CXCR2: variants seen among roughly 807,000 people sequenced by gnomAD.
CXCR2 encodes C-X-C chemokine receptor type 2.
A neutral mutation model predicts 3.7 loss-of-function variants in CXCR2; 2 were observed. That is an observed-to-expected ratio of 0.55 (90% CI 0.22 to 1.72). The LOEUF (loss-of-function observed/expected upper bound fraction) is 1.72, where lower values mean the gene tolerates loss of function less well. Among genes scored for constraint, CXCR2 ranks in the 40% most tolerant of loss-of-function variants. CXCR2 has a pLI of 0.19. For missense variants in CXCR2, 351 were observed against 450.1 expected, an observed-to-expected ratio of 0.78 and a Z score of 1.99; for synonymous variants, 203 against 193.3, an observed-to-expected ratio of 1.05 and a Z score of -0.41.
chr2:218,129,631 ACT>A (rs2106100876), intron 2 of CXCR2, among the ~76,000 whole-genome samples: 1 of 152,106 alleles, frequency 6.6e-6, no homozygotes, highest in Non-Finnish European at 1.5e-5. Context: ...GCCTTCCAAG[ACT>A]CAGCCAGCCC....
chr2:218,126,824 T>TTTTG (rs17844677), intron 1 of CXCR2, among the ~76,000 whole-genome samples: 88,608 of 150,298 alleles, frequency 0.59, 27,474 homozygotes, highest in African/African-American at 0.78. Flanking sequence ...ATTTTTTGGG[T>TTTTG]TTTGTTTGTT....
intron 2 of CXCR2, among the ~76,000 whole-genome samples, chr2:218,130,561 C>T (rs977382273): frequency 3.9e-5 from 6 of 152,096 alleles, no homozygotes; most frequent in African/African-American, 1.4e-4. Flanking sequence ...GTGGTTTCAC[C>T]ACTTCTCCAC....
intron 1 of CXCR2, among the ~76,000 whole-genome samples, chr2:218,126,584 C>A (rs1168581033): frequency 6.6e-6 from 1 of 152,206 alleles, no homozygotes; most frequent in Admixed American, 6.5e-5. Context: ...TCACACGTGG[C>A]CACGGAGCAC....
chr2:218,132,677 G>A (rs1360153088), intron 2 of CXCR2, among the ~76,000 whole-genome samples: 1 of 152,102 alleles, frequency 6.6e-6, no homozygotes, highest in Non-Finnish European at 1.5e-5. Flanking sequence ...ATAAACATAG[G>A]AAAAGAACAC....
Position 218,135,217 on chromosome 2 carries a change from G to C in CXCR2, c.416G>C (p.Cys139Ser). 6.2e-7 allele frequency: 1 copy of C among 1,614,210 alleles called. No homozygotes were observed. The highest frequency in any genetic ancestry group is 8.5e-7 in the Non-Finnish European group (1 of 1,180,046). ...TATAGTGGCATCCTGCTACTGGCCTGCATCAGTGTGGACCGTTACCTGGCC... is the reference window on the plus strand; with the variant it reads ...TATAGTGGCATCCTGCTACTGGCCTCCATCAGTGTGGACCGTTACCTGGCC... The part of the protein sequence containing the change: ...NFYSGILLLA[C>S]ISVDRYLAIV... The change falls in exon 3 of 3, where the codon TGC becomes TCC. Residue 139 changes from cysteine (C) to serine (S), a missense_variant. Coordinates refer to ENST00000318507, the MANE Select transcript of CXCR2 (RefSeq NM_001557.4). This position sits in a 1 kb window ranked among gnomAD's most constrained non-coding sequence, Gnocchi z 4.0.
In CXCR2 at chr2:218,135,792, A is replaced by G. The variant is rs201481173; in HGVS notation, c.991A>G (p.Ile331Val). The change falls in exon 3 of 3, where the codon ATA (isoleucine) becomes GTA (valine). Residue 331 changes from isoleucine (I) to valine (V), a missense_variant. Ile to Val is a conservative substitution (Grantham distance 29). Transcript: ENST00000318507. This position sits in a 1 kb window ranked among gnomAD's most constrained non-coding sequence, Gnocchi z 4.0. Reference protein sequence around the residue: ...FRHGLLKILAIHGLISKDSLP... With the variant: ...FRHGLLKILAVHGLISKDSLP... Reference sequence around the variant, plus strand: ...CCATGGACTCCTCAAGATTCTAGCTATACATGGCTTGATCAGCAAGGACTC... The same window carrying G: ...CCATGGACTCCTCAAGATTCTAGCTGTACATGGCTTGATCAGCAAGGACTC... The G allele has an allele frequency of 1.5e-5, 24 of 1,613,940 alleles. No homozygotes were observed. The highest frequency in any genetic ancestry group is 2.0e-5 in the Non-Finnish European group (24 of 1,180,034).
chr2:218,132,873 A>G (rs1420691461), intron 2 of CXCR2, among the ~76,000 whole-genome samples: 1 of 152,128 alleles, frequency 6.6e-6, no homozygotes, highest in Non-Finnish European at 1.5e-5. Flanking sequence ...TTAGCTTTCA[A>G]TTCTCTTGGG....
intron 2 of CXCR2, chr2:218,130,781 G>A (rs1458188830): frequency 6.6e-6 from 1 of 152,278 alleles, no homozygotes; most frequent in Admixed American, 6.5e-5. Flanking sequence ...GTAGAGATTG[G>A]TAAACTAAAA....
intron 2 of CXCR2, chr2:218,131,110 A>T (rs949712708): frequency 6.6e-6 from 1 of 152,238 alleles, no homozygotes; most frequent in Non-Finnish European, 1.5e-5. Flanking sequence ...TCATACATAC[A>T]AGGCCCTGCT....
At position 218,135,608 on chromosome 2, in the gene CXCR2, G is replaced by T. The variant is rs558061526; in HGVS notation, c.807G>T (p.Leu269=). ...IFLLCWLPYN[L]VLLADTLMRT... is the part of the protein sequence containing the mutation. The stretch of plus-strand genomic sequence containing the variant: ...TGCTCTGCTGGCTGCCCTACAACCT[G>T]GTCCTGCTGGCAGACACCCTCATGA... The change falls in exon 3 of 3, where the codon CTG becomes CTT. Residue 269 remains leucine, a synonymous_variant. Transcript: ENST00000318507. This position sits in a 1 kb window ranked among gnomAD's most constrained non-coding sequence, Gnocchi z 4.0. 6.2e-7 allele frequency: 1 copy of T among 1,614,012 alleles called. No individual in the cohort carries two copies. Among genetic ancestry groups the T allele is most frequent in the South Asian group, 1.1e-5 (1 of 91,066 alleles).
chr2:218,127,200 C>T (rs183002216), intron 1 of CXCR2, among the ~76,000 whole-genome samples: 3 of 152,344 alleles, frequency 2.0e-5, no homozygotes, highest in Non-Finnish European at 4.4e-5. Context: ...AATCTCGGCT[C>T]ACTGCAACTT....
chr2:218,128,670 T>C (rs1690566318), intron 1 of CXCR2, among the ~76,000 whole-genome samples: 1 of 152,176 alleles, frequency 6.6e-6, no homozygotes, highest in Admixed American at 6.5e-5. Flanking sequence ...CCAAGGGTGG[T>C]AAGCTGCTGC....
At chr2:218,129,166 T>G (rs528647420) in intron 1 of CXCR2, 148 bp from the exon 2 acceptor site, 1 of 152,326 alleles carries the variant, frequency 6.6e-6, no homozygotes. Context: ...GAAATGACTA[T>G]GCATCCGAGA....
intron 2 of CXCR2, chr2:218,130,826 C>T (rs1489700601): frequency 6.6e-6 from 1 of 152,390 alleles, no homozygotes; most frequent in African/African-American, 2.4e-5. Flanking sequence ...TCTCCCTACC[C>T]TAGGAGCTGG....
At chr2:218,132,108 CT>C (rs1323251917) in intron 2 of CXCR2, among the ~76,000 whole-genome samples, 3 of 151,908 alleles carry the variant, frequency 2.0e-5, no homozygotes, top group African/African-American at 7.3e-5. Context: ...TTTGATTAAT[CT>C]TTTTTTTAAT....
At position 218,137,199 on chromosome 2, in the gene CXCR2, A is replaced by G. The variant is rs1690830646; in HGVS notation, c.*1315A>G. ...ACCACCTGCCTATATTTTTTGTTAA[A>G]TGATTTCATTCAATATCTTTTTTTT... On this transcript the variant is annotated 3_prime_UTR_variant, in exon 3 of 3. Transcript: ENST00000318507. 1 of 167,196 alleles carries G rather than the reference A, an allele frequency of 6.0e-6. No homozygotes were observed. Among genetic ancestry groups the G allele is most frequent in the African/African-American group, 2.4e-5 (1 of 41,460 alleles). 10.4% of individuals were successfully genotyped at this position (167,196 alleles called of 1,614,324 possible).
Position 218,135,789 on chromosome 2 carries a change from G to T in CXCR2, c.988G>T (p.Ala330Ser), listed in dbSNP as rs1194838499. The T allele has an allele frequency of 6.2e-7, 1 of 1,613,984 alleles. No homozygotes were observed. Among genetic ancestry groups the T allele is most frequent in the South Asian group, 1.1e-5 (1 of 91,076 alleles). Reference sequence around the variant, plus strand: ...TCGCCATGGACTCCTCAAGATTCTAGCTATACATGGCTTGATCAGCAAGGA... The same window carrying T: ...TCGCCATGGACTCCTCAAGATTCTATCTATACATGGCTTGATCAGCAAGGA... ...KFRHGLLKILAIHGLISKDSL... is the reference protein window; with the variant it reads ...KFRHGLLKILSIHGLISKDSL... The change falls in exon 3 of 3, where the codon GCT becomes TCT. Residue 330 changes from alanine to serine, a missense_variant. Transcript: ENST00000318507. This position sits in a 1 kb window ranked among gnomAD's most constrained non-coding sequence, Gnocchi z 4.0.
chr2:218,131,705 A>T (rs1391504653), intron 2 of CXCR2, among the ~76,000 whole-genome samples: 2 of 151,270 alleles, frequency 1.3e-5, no homozygotes, highest in African/African-American at 4.9e-5. Flanking sequence ...TCCTGACCTC[A>T]TGATCCGCCC....
intron 2 of CXCR2, among the ~76,000 whole-genome samples, chr2:218,129,757 G>A (rs892624442): frequency 6.6e-5 from 10 of 152,296 alleles, no homozygotes; most frequent in Admixed American, 3.3e-4. Flanking sequence ...AAGAATACTG[G>A]AACTGTACTA....
Sources: allele counts gnomAD v4.1 joint callset (sites outside exome capture counted in the v4.1 genomes callset), GRCh38; gene constraint gnomAD v4.1.1; non-coding constraint Gnocchi (gnomAD v3.1); transcripts MANE v1.5; gene names NCBI Gene and HGNC (gene_info 2026-07-23, HGNC 2026-07-21).